VDAC2: variants seen among roughly 807,000 people sequenced by gnomAD.
VDAC2 encodes voltage dependent anion channel 2, also known as non-selective voltage-gated ion channel VDAC2.
VDAC2 carries 6 observed loss-of-function variants against 36.6 expected under a neutral mutation model. The observed-to-expected ratio is 0.16, with a 90% confidence interval of 0.09 to 0.32. The LOEUF (loss-of-function observed/expected upper bound fraction) is 0.32, where lower values mean the gene tolerates loss of function less well. VDAC2 is among the 10% of genes least tolerant of loss of function. The probability of loss-of-function intolerance (pLI) is 1.00; values close to 1 mark genes in which losing one functional copy is unlikely to be tolerated. For synonymous variants in VDAC2, 109 were observed against 123.8 expected, an observed-to-expected ratio of 0.88 and a Z score of 0.79; for missense variants, 247 against 346.0, an observed-to-expected ratio of 0.71 and a Z score of 2.27.
At chr10:75,228,917 A>G (rs1054200219) in intron 8 of VDAC2, among the ~76,000 whole-genome samples, 2 of 152,176 alleles carry the variant, frequency 1.3e-5, no homozygotes, top group East Asian at 1.9e-4. Flanking sequence ...ACTCTTTACT[A>G]TGTCTTACTC....
intron 4 of VDAC2, among the ~76,000 whole-genome samples, chr10:75,214,934 TCA>T (rs1410743311): frequency 4.6e-5 from 7 of 152,206 alleles, no homozygotes; most frequent in African/African-American, 1.4e-4. Context: ...AGACAGGGTC[TCA>T]CTCGGTTGCC....
intron 4 of VDAC2, 137 bp from the exon 5 acceptor site, chr10:75,218,926 G>A (rs927907391): frequency 7.2e-6 from 6 of 829,472 alleles, no homozygotes; most frequent in African/African-American, 4.1e-5. Context: ...AGAAGGATAC[G>A]AGTGTTTAGG....
intron 6 of VDAC2, among the ~76,000 whole-genome samples, chr10:75,220,037 A>C (rs532697238): frequency 6.6e-6 from 1 of 151,234 alleles, no homozygotes; most frequent in Middle Eastern, 3.5e-3. Context: ...CGTGTTGATC[A>C]GGCTGGTCTT....
chr10:75,222,978 T>TC (rs993395911), intron 8 of VDAC2, among the ~76,000 whole-genome samples: 14 of 138,362 alleles, frequency 1.0e-4, no homozygotes, highest in African/African-American at 3.6e-4. Flanking sequence ...CATCACTTTG[T>TC]CTTTTTTTTT....
rs567319767 is a variant in VDAC2 at position 75,217,905 on chromosome 10, T to G, written c.151-1158T>G. On this transcript the variant is annotated intron_variant, in intron 4 of 9. Coordinates refer to ENST00000332211, the MANE Select transcript of VDAC2 (RefSeq NM_001391963.1). ...CTCTACAGATATCACAATTTCTGGC[T>G]GTAGTCTCTTTATTATTTTCACATC... 427 of 1,287,412 alleles carry G rather than the reference T, an allele frequency of 3.3e-4. 3 individuals are homozygous for G. In the South Asian group the frequency reaches 5.0e-3, roughly 15 times the overall value. The allele number at this position is 1,287,412 out of a possible 1,614,324, so 79.7% of individuals were successfully genotyped here.
At chr10:75,214,109 T>C (rs1841523812) in intron 4 of VDAC2, 39 bp downstream of exon 4, 1 of 1,599,734 alleles carries the variant, frequency 6.3e-7, no homozygotes, top group Middle Eastern at 1.8e-4. Context: ...TGAACCTTTA[T>C]AATTTTTCAA....
At chr10:75,217,747 C>G in intron 4 of VDAC2, 1 of 380,168 alleles carries the variant, frequency 2.6e-6, no homozygotes, top group South Asian at 2.3e-5. Flanking sequence ...ATGAAAGGGT[C>G]TAATTTAGGA....
At position 75,213,865 on chromosome 10, in the gene VDAC2, A is replaced by G. The variant is rs572938278; in HGVS notation, c.101-156A>G. Among the ~76,000 whole-genome samples the G allele has an allele frequency of 4.6e-5, 7 of 152,388 alleles. No individual in the cohort carries two copies. The East Asian group carries it at 1.3e-3, about 29-fold the overall frequency. On this transcript the variant is annotated intron_variant, in intron 3 of 9. Coordinates refer to ENST00000332211, the MANE Select transcript of VDAC2 (RefSeq NM_001391963.1). ...TTATAAGCCAGTTTACAAAAGACGAATTTGTAACAATTTCATTTAAATATT... is the reference window on the plus strand; with the variant it reads ...TTATAAGCCAGTTTACAAAAGACGAGTTTGTAACAATTTCATTTAAATATT...
At chr10:75,226,508 G>T in intron 8 of VDAC2, among the ~76,000 whole-genome samples, 1 of 141,110 alleles carries the variant, frequency 7.1e-6, no homozygotes, top group African/African-American at 2.6e-5. Flanking sequence ...GCTGGATGGA[G>T]TACAGTGGCA....
At chr10:75,212,400 C>G in intron 3 of VDAC2, 102 bp downstream of exon 3, 1 of 1,083,422 alleles carries the variant, frequency 9.2e-7, no homozygotes, top group Non-Finnish European at 1.3e-6. Flanking sequence ...AAATATCTTG[C>G]TGCTTTAAAT....
intron 4 of VDAC2, among the ~76,000 whole-genome samples, chr10:75,218,685 C>G (rs1402672676): frequency 2.6e-5 from 4 of 151,950 alleles, no homozygotes; most frequent in Admixed American, 1.3e-4. Flanking sequence ...TCACTTGAAC[C>G]TGGAAGGCGG....
At chr10:75,230,635 A>G (rs543709511) in intron 9 of VDAC2, among the ~76,000 whole-genome samples, 4 of 152,324 alleles carry the variant, frequency 2.6e-5, no homozygotes, top group African/African-American at 4.8e-5. Context: ...AGTATACTCA[A>G]CATTATAGTA....
At chr10:75,214,495 CATGTATTTT>C (rs1841536288) in intron 4 of VDAC2, among the ~76,000 whole-genome samples, 1 of 152,100 alleles carries the variant, frequency 6.6e-6, no homozygotes, top group Non-Finnish European at 1.5e-5. Context: ...AAGATTTCCA[CATGTATTTT>C]ATGAGTTTAG....
upstream of VDAC2, chr10:75,210,302 C>A (rs146787862): frequency 7.0e-3 from 1,072 of 152,668 alleles, 7 homozygotes; most frequent in Middle Eastern, 0.023. Flanking sequence ...GAGAAGCGGT[C>A]CCTCAGAAGC....
intron 4 of VDAC2, among the ~76,000 whole-genome samples, chr10:75,214,431 T>G: frequency 6.6e-6 from 1 of 152,236 alleles, no homozygotes; most frequent in Non-Finnish European, 1.5e-5. Flanking sequence ...ACTCATTAAT[T>G]TGAGTGTACT....
intron 4 of VDAC2, 83 bp from the exon 5 acceptor site, chr10:75,218,980 G>C: frequency 7.2e-7 from 1 of 1,393,014 alleles, no homozygotes; most frequent in Non-Finnish European, 9.7e-7. Flanking sequence ...GTTTCAGGGG[G>C]TTTGTGTGTG....
At chr10:75,217,961 G>C (rs1841657936) in intron 4 of VDAC2, 1 of 1,287,776 alleles carries the variant, frequency 7.8e-7, no homozygotes, top group African/African-American at 1.5e-5. Context: ...GCGTGGTGAT[G>C]CTTGTGATCC....
Position 75,212,245 on chromosome 10 carries a change from C to T in VDAC2, c.47C>T (p.Pro16Leu). The change falls in exon 3 of 10, where the codon CCA (proline) becomes CTA (leucine). Residue 16 changes from proline (P) to leucine (L), a missense_variant. By Grantham distance (98) the Pro-to-Leu change is moderately conservative. Around this residue, in one of 3 missense-constraint regions of VDAC2, gnomAD observed 76 missense variants for 76.9 expected, o/e 0.99. Transcript: ENST00000332211. ...QTCARPMCIP[P>L]SYADLGKAAR... is the part of the protein sequence containing the mutation. ...TTTCTACCAGCAATGTGTATTCCTC[C>T]ATCATATGCTGACCTTGGCAAAGCT... is the stretch of plus-strand genomic sequence containing the variant. 3 of 1,613,666 alleles carry T rather than the reference C, an allele frequency of 1.9e-6. No individual in the cohort carries two copies. The highest frequency in any genetic ancestry group is 1.1e-5 in the South Asian group (1 of 90,996).
rs755169218 is a variant in VDAC2, at chr10:75,214,006, G to C, written c.101-15G>C. The C allele has an allele frequency of 2.9e-5, 46 of 1,612,152 alleles. No homozygotes were observed. The highest frequency in any genetic ancestry group is 2.4e-5 in the Non-Finnish European group (28 of 1,178,822). ...AAGGAATCATTTTGTTTCTTTTGCTGTCTATTTGTTGAAGGTTTTGGGTTG... is the reference window on the plus strand; with the variant it reads ...AAGGAATCATTTTGTTTCTTTTGCTCTCTATTTGTTGAAGGTTTTGGGTTG... On this transcript the variant is annotated splice_polypyrimidine_tract_variant and intron_variant, in intron 3 of 9. Transcript: ENST00000332211.
Sources: gnomAD v4.1 joint callset for allele counts (sites outside exome capture counted in the v4.1 genomes callset) on GRCh38, gnomAD v4.1.1 for gene constraint, gnomAD v4.1.1 regional missense constraint, MANE v1.5 for transcripts, NCBI Gene and HGNC (gene_info 2026-07-23, HGNC 2026-07-21) for gene names.